The following BMPER variants were observed in gnomAD, a reference collection of about 807,000 sequenced individuals.
BMPER encodes BMP binding endothelial regulator.
In BMPER, 45 loss-of-function variants were observed where a neutral mutation model predicts 87.3. The observed-to-expected ratio is 0.52, with a 90% CI of 0.41 to 0.66. BMPER has a LOEUF of 0.66. Ranked by LOEUF, BMPER falls within the 30% of genes least tolerant of loss-of-function variation. The probability of loss-of-function intolerance (pLI) is 0.00; values close to 1 mark genes in which losing one functional copy is unlikely to be tolerated. For synonymous variants in BMPER, 326 were observed against 316.2 expected (o/e 1.03, Z -0.33); for missense variants, 784 against 867.5 (o/e 0.90, Z 1.21).
chr7:34,036,419 G>T (rs983358768), intron 6 of BMPER, among the ~76,000 whole-genome samples: 1 of 152,044 alleles, frequency 6.6e-6, no homozygotes, highest in Non-Finnish European at 1.5e-5. Context: ...TTTATTGATC[G>T]TTTCAGAGAG....
chr7:34,076,103 T>C (rs1788857098), intron 11 of BMPER, among the ~76,000 whole-genome samples: 1 of 152,194 alleles, frequency 6.6e-6, no homozygotes, highest in Non-Finnish European at 1.5e-5. Flanking sequence ...GAAAAATATC[T>C]TTCCTGACAG....
At chr7:33,967,146 A>G (rs1202357998) in intron 4 of BMPER, among the ~76,000 whole-genome samples, 1 of 152,256 alleles carries the variant, frequency 6.6e-6, no homozygotes, top group Admixed American at 6.5e-5. Flanking sequence ...AAACACAGCA[A>G]GATAAACTAA....
chr7:33,972,199 G>A (rs562670804), intron 5 of BMPER, among the ~76,000 whole-genome samples: 146 of 152,180 alleles, frequency 9.6e-4, no homozygotes, highest in Non-Finnish European at 1.6e-3. Flanking sequence ...CCCTACGCCC[G>A]GCCGACTATG....
intron 6 of BMPER, among the ~76,000 whole-genome samples, chr7:34,013,673 C>T (rs181070118): frequency 6.6e-6 from 1 of 152,034 alleles, no homozygotes; most frequent in Non-Finnish European, 1.5e-5. Context: ...GACTCCATCA[C>T]AGTTGGTCTC....
At chr7:34,029,350 A>G (rs1188109974) in intron 6 of BMPER, among the ~76,000 whole-genome samples, 1 of 152,160 alleles carries the variant, frequency 6.6e-6, no homozygotes, top group Non-Finnish European at 1.5e-5. Context: ...TTGGGGGACC[A>G]GGCTAGAGAT....
At position 33,961,848 on chromosome 7, in the gene BMPER, G is replaced by A. The variant is rs185181835; in HGVS notation, c.320-4631G>A. ...AGGTAACCCCAGGCAATGACATGGA[G>A]TTCTAGGGATGAAGGGAAAGAACTG... On this transcript the variant is annotated intron_variant, in intron 3 of 14. Transcript: ENST00000649409. Among the ~76,000 whole-genome samples the A allele has an allele frequency of 2.8e-3, 430 of 152,290 alleles. 3 individuals are homozygous for A. The highest frequency in any genetic ancestry group is 8.5e-3 in the African/African-American group (353 of 41,548).
chr7:33,915,352 G>T (rs1022751289), intron 2 of BMPER, among the ~76,000 whole-genome samples: 1 of 152,126 alleles, frequency 6.6e-6, no homozygotes, highest in African/African-American at 2.4e-5. Context: ...TTTTAAGTTT[G>T]CTCTATTAAA....
rs573984851 is a variant in BMPER, at chr7:34,072,749, C to T, written c.1079-6108C>T. Among the ~76,000 whole-genome samples, 29 of 152,262 alleles carry T rather than the reference C, an allele frequency of 1.9e-4. 1 individual carries two copies. Among genetic ancestry groups the T allele is most frequent in the Admixed American group, 4.6e-4 (7 of 15,302 alleles). ...CATGTTTGGGGGTCCATTATTCTGC[C>T]GACCACTCTTGGTCATATTAGGCAT... On this transcript the variant is annotated intron_variant, in intron 11 of 14. Coordinates refer to ENST00000649409, the MANE Select transcript of BMPER (RefSeq NM_001365308.1).
chr7:33,958,706 CT>C (rs1158239255), intron 3 of BMPER, among the ~76,000 whole-genome samples: 2 of 152,146 alleles, frequency 1.3e-5, no homozygotes, highest in Non-Finnish European at 2.9e-5. Flanking sequence ...AGTAATTGCG[CT>C]TTTTTGAAGC....
chr7:34,028,601 G>GGTTTTTTTTT, intron 6 of BMPER, among the ~76,000 whole-genome samples: 1 of 36,054 alleles, frequency 2.8e-5, no homozygotes, highest in African/African-American at 8.8e-5. Flanking sequence ...CATTTTTTCT[G>GGTTTTTTTTT]TTTTTTTTTT....
Position 33,966,493 on chromosome 7 carries a change from G to A in BMPER, c.334G>A (p.Gly112Arg). The part of the protein sequence containing the change: ...CEQCKGCTYE[G>R]NTYNSSFKWQ... ...CTCCTGTCTAGGTTGCACCTATGAA[G>A]GAAATACCTATAACAGCTCCTTCAA... is the stretch of plus-strand genomic sequence containing the variant. Residue 112 changes from glycine (G) to arginine (R), a missense_variant, in exon 4 of 15, where the codon GGA (glycine) becomes AGA (arginine). By Grantham distance (125) the Gly-to-Arg change is moderately radical. Coordinates refer to ENST00000649409, the MANE Select transcript of BMPER (RefSeq NM_001365308.1). 6.2e-7 allele frequency: 1 copy of A among 1,613,666 alleles called. No individual in the cohort carries two copies. Among genetic ancestry groups the A allele is most frequent in the Non-Finnish European group, 8.5e-7 (1 of 1,179,660 alleles).
chr7:34,078,011 A>C (rs1005661463), intron 11 of BMPER, among the ~76,000 whole-genome samples: 8 of 152,122 alleles, frequency 5.3e-5, no homozygotes, highest in African/African-American at 1.2e-4. Flanking sequence ...ATATATTTAC[A>C]TGCAGAACAA....
chr7:33,986,173 T>C (rs1056864579), intron 6 of BMPER, among the ~76,000 whole-genome samples: 4 of 152,206 alleles, frequency 2.6e-5, no homozygotes, highest in African/African-American at 7.2e-5. Flanking sequence ...CTCATACTCA[T>C]GGCTCTGCAG....
intron 8 of BMPER, among the ~76,000 whole-genome samples, chr7:34,052,391 G>A (rs1048780806): frequency 2.0e-5 from 3 of 152,328 alleles, no homozygotes; most frequent in African/African-American, 7.2e-5. Context: ...GGCAGTTTAG[G>A]AAGAGAGTAT....
At chr7:33,921,767 T>C (rs552998401) in intron 2 of BMPER, 10 of 471,036 alleles carry the variant, frequency 2.1e-5, no homozygotes, top group African/African-American at 2.0e-4. Context: ...TTATGTTTGT[T>C]GCTTCTTCAG....
intron 13 of BMPER, among the ~76,000 whole-genome samples, chr7:34,141,603 A>T (rs10258201): frequency 0.76 from 97,670 of 128,062 alleles, 37,397 homozygotes; most frequent in East Asian, 0.91. Context: ...AGAGTGAAAC[A>T]CCATCTCAAA....
rs1788450123 is a variant in BMPER at position 34,062,004 on chromosome 7, C to T, written c.1035C>T (p.Gly345=). Residue 345 remains glycine, a splice_region_variant and synonymous_variant, in exon 11 of 15, where the codon GGC becomes GGT. Coordinates refer to ENST00000649409, the MANE Select transcript of BMPER (RefSeq NM_001365308.1). ...QCIPISSCPQ[G]KILNRKGCCP... The stretch of plus-strand genomic sequence containing the variant: ...GTATTTGTTTTTCTTCTGATTAGGG[C>T]AAAATTCTCAACAGAAAAGGATGCT... The T allele has an allele frequency of 1.9e-6, 3 of 1,602,320 alleles. No individual in the cohort carries two copies. The highest frequency in any genetic ancestry group is 2.2e-5 in the East Asian group (1 of 44,556).
At chr7:33,956,837 C>G (rs980392565) in intron 3 of BMPER, among the ~76,000 whole-genome samples, 7 of 152,128 alleles carry the variant, frequency 4.6e-5, no homozygotes, top group African/African-American at 1.7e-4. Flanking sequence ...GGTAAGGCTT[C>G]TGGTCAGCAG....
chr7:34,084,287 C>G (rs1265243761), intron 12 of BMPER, among the ~76,000 whole-genome samples: 1 of 152,176 alleles, frequency 6.6e-6, no homozygotes, highest in Non-Finnish European at 1.5e-5. Context: ...GGCGACAGAG[C>G]AAGACTGTCT....
Sources: allele counts gnomAD v4.1 joint callset (sites outside exome capture counted in the v4.1 genomes callset), GRCh38; gene constraint gnomAD v4.1.1; transcripts MANE v1.5; gene names NCBI Gene and HGNC (gene_info 2026-07-23, HGNC 2026-07-21).